Variants in GALNT11 observed in about 807,000 individuals in gnomAD.
GALNT11 encodes UDP-GalNAc:polypeptide N-acetylgalactosaminyltransferase 11.
In GALNT11, 47 loss-of-function variants were observed where a neutral mutation model predicts 72.7. The observed-to-expected ratio is 0.65, with a 90% CI of 0.51 to 0.82. GALNT11 has a LOEUF of 0.82. Among genes scored for constraint, GALNT11 ranks in the 40% least tolerant of loss-of-function variants. The pLI, the probability that GALNT11 is intolerant of heterozygous loss-of-function variation, is 0.00. For missense variants in GALNT11, 677 were observed against 778.4 expected (o/e 0.87, Z 1.55); for synonymous variants, 270 against 286.6 (o/e 0.94, Z 0.58).
At chr7:152,035,506 C>A (rs2082527116) in intron 1 of GALNT11, among the ~76,000 whole-genome samples, 1 of 152,242 alleles carries the variant, frequency 6.6e-6, no homozygotes, top group South Asian at 2.1e-4. Flanking sequence ...ACAGGGTCAA[C>A]CAACTTGTTG....
chr7:152,101,844 G>C (rs1235480772), intron 3 of GALNT11, among the ~76,000 whole-genome samples: 2 of 152,092 alleles, frequency 1.3e-5, no homozygotes, highest in Non-Finnish European at 2.9e-5. Flanking sequence ...ATGTTGGCCA[G>C]GCTGGTCTCA....
intron 1 of GALNT11, among the ~76,000 whole-genome samples, chr7:152,034,601 T>G (rs1278243780): frequency 1.3e-5 from 2 of 152,126 alleles, no homozygotes; most frequent in Non-Finnish European, 2.9e-5. Flanking sequence ...AGTTTTGGTT[T>G]GTTTGTTTCT....
At chr7:152,038,497 C>T (rs1030807668) in intron 1 of GALNT11, among the ~76,000 whole-genome samples, 10 of 152,146 alleles carry the variant, frequency 6.6e-5, no homozygotes, top group African/African-American at 1.4e-4. Context: ...TCCGGTAAAC[C>T]GACAACCTTC....
Position 152,118,746 on chromosome 7 carries a change from G to C in GALNT11, c.1521G>C (p.Val507=). Residue 507 remains valine (V), a synonymous_variant, in exon 10 of 12, where the codon GTG becomes GTC. Coordinates refer to ENST00000430044, the MANE Select transcript of GALNT11 (RefSeq NM_022087.4). The part of the protein sequence containing the change: ...QGRPSQKGGL[V]VLKACDYSDP... ...GCCCAAGTCAGAAGGGAGGTCTCGT[G>C]GTGCTTAAGGCCTGTGACTACAGTG... is the stretch of plus-strand genomic sequence containing the variant. The C allele has an allele frequency of 5.0e-6, 8 of 1,611,358 alleles. No individual in the cohort carries two copies. Among genetic ancestry groups the C allele is most frequent in the Non-Finnish European group, 6.8e-6 (8 of 1,179,138 alleles).
At chr7:152,045,211 T>A (rs571157859) in intron 1 of GALNT11, among the ~76,000 whole-genome samples, 29 of 152,286 alleles carry the variant, frequency 1.9e-4, no homozygotes, top group African/African-American at 6.7e-4. Flanking sequence ...GATTTTTTTT[T>A]ATCAGTGTTC....
In GALNT11 at chr7:152,094,009, G is replaced by A. The variant is rs1425655153; in HGVS notation, c.-38-181G>A. On this transcript the variant is annotated intron_variant, in intron 1 of 11. Transcript: ENST00000430044. The surrounding 1 kb of genome is among the most constrained non-coding windows in gnomAD (Gnocchi z 4.3). ...TCTGAGCATTAACCCACAGGCCTGA[G>A]GTTTTCATTGTTGAACCCTTTTTAA... 1.7e-5 allele frequency: 8 copies of A among 469,590 alleles called. No individual in the cohort carries two copies. The highest frequency in any genetic ancestry group is 2.9e-5 in the Non-Finnish European group (8 of 274,838). 29.1% of individuals were successfully genotyped at this position (469,590 alleles called of 1,614,324 possible). A position where few individuals can be genotyped will look rare whatever the true frequency, so the allele number is the denominator to read the frequency against.
chr7:152,100,776 GACTA>G lies in GALNT11; in HGVS notation c.296-18_296-15del. ...TGATACTTTCTAGATTTAATTCGCTGACTAACTTCACTCTTTTGCAGGTATGATT... is the reference window on the plus strand; with the variant it reads ...TGATACTTTCTAGATTTAATTCGCTGACTTCACTCTTTTGCAGGTATGATT... On this transcript the variant is annotated intron_variant, in intron 2 of 11. Coordinates refer to ENST00000430044, the MANE Select transcript of GALNT11 (RefSeq NM_022087.4). 1 of 1,611,588 alleles carries G rather than the reference GACTA, an allele frequency of 6.2e-7. No individual in the cohort carries two copies.
intron 1 of GALNT11, among the ~76,000 whole-genome samples, chr7:152,076,286 G>A (rs2084973665): frequency 6.6e-6 from 1 of 152,122 alleles, no homozygotes; most frequent in Non-Finnish European, 1.5e-5. Flanking sequence ...GATTTGTCAA[G>A]TTGTTCCTTT....
chr7:152,029,724 A>G (rs1199846908), intron 1 of GALNT11, among the ~76,000 whole-genome samples: 1 of 152,208 alleles, frequency 6.6e-6, no homozygotes, highest in Non-Finnish European at 1.5e-5. Flanking sequence ...TTCCCTTATC[A>G]TTTACTGAAT....
intron 8 of GALNT11, among the ~76,000 whole-genome samples, 164 bp downstream of exon 8, chr7:152,113,562 T>G (rs1345140280): frequency 6.6e-6 from 1 of 151,912 alleles, no homozygotes; most frequent in African/African-American, 2.4e-5. Flanking sequence ...CACCTAGTAC[T>G]TCACTTCTTT....
At chr7:152,095,519 A>C (rs2086313582) in intron 2 of GALNT11, among the ~76,000 whole-genome samples, 1 of 152,178 alleles carries the variant, frequency 6.6e-6, no homozygotes. Flanking sequence ...CTAATATAGG[A>C]AGTCAAAAGT....
At chr7:152,103,495 C>T (rs753127933) in intron 4 of GALNT11, 9 of 443,318 alleles carry the variant, frequency 2.0e-5, no homozygotes, top group African/African-American at 7.7e-5. Context: ...AAATTTTTTC[C>T]GTGGCTTACT....
At chr7:152,092,597 G>C (rs1224174130) in intron 1 of GALNT11, among the ~76,000 whole-genome samples, 1 of 151,886 alleles carries the variant, frequency 6.6e-6, no homozygotes, top group African/African-American at 2.4e-5. Flanking sequence ...AATAGTTCTT[G>C]GTTGGCAGAC....
At chr7:152,037,561 A>G (rs1197685944) in intron 1 of GALNT11, among the ~76,000 whole-genome samples, 1 of 152,126 alleles carries the variant, frequency 6.6e-6, no homozygotes, top group East Asian at 1.9e-4. Flanking sequence ...CAGATAGCAT[A>G]GGCTATTCTG....
chr7:152,117,356 A>G lies in GALNT11; in HGVS notation c.1433A>G (p.Lys478Arg). The G allele has an allele frequency of 6.2e-7, 1 of 1,614,202 alleles. No homozygotes were observed. The highest frequency in any genetic ancestry group is 8.5e-7 in the Non-Finnish European group (1 of 1,180,018). Reference sequence around the variant, plus strand: ...GTCAATAGAGGGCCAAAACGACCCAAAGTCCTTCAACGTGGAAGGGTAAGA... The same window carrying G: ...GTCAATAGAGGGCCAAAACGACCCAGAGTCCTTCAACGTGGAAGGGTAAGA... ...IFVNRGPKRP[K>R]VLQRGRLYHL... The change falls in exon 9 of 12, where the codon AAA becomes AGA. Residue 478 changes from lysine (K) to arginine (R), a missense_variant. Physicochemically the swap from Lys to Arg is conservative, Grantham distance 26 (BLOSUM62 2). Coordinates refer to ENST00000430044, the MANE Select transcript of GALNT11 (RefSeq NM_022087.4).
Position 152,109,626 on chromosome 7 carries a change from C to G in GALNT11, c.963-902C>G, listed in dbSNP as rs193240039. Among the ~76,000 whole-genome samples the G allele has an allele frequency of 1.4e-4, 21 of 152,136 alleles. No individual in the cohort carries two copies. The East Asian group carries it at 4.1e-3, about 29-fold the overall frequency. ...TATCTGTTTCTGGTGTATGTTGTTTCTCTCATTTTGTTTTCATGTGATTTT... is the reference window on the plus strand; with the variant it reads ...TATCTGTTTCTGGTGTATGTTGTTTGTCTCATTTTGTTTTCATGTGATTTT... On this transcript the variant is annotated intron_variant, in intron 6 of 11. Coordinates refer to ENST00000430044, the MANE Select transcript of GALNT11 (RefSeq NM_022087.4).
intron 5 of GALNT11, 168 bp from the exon 6 acceptor site, chr7:152,107,870 C>G (rs2087754858): frequency 5.7e-6 from 4 of 696,458 alleles, no homozygotes; most frequent in Non-Finnish European, 9.5e-6. Flanking sequence ...GAGGGACGTC[C>G]TTGTTGACCA....
chr7:152,043,282 G>A (rs910461128), intron 1 of GALNT11, among the ~76,000 whole-genome samples: 27 of 152,108 alleles, frequency 1.8e-4, no homozygotes, highest in Admixed American at 5.2e-4. Flanking sequence ...TGTCATCCCC[G>A]CTGGCAAGGG....
intron 1 of GALNT11, among the ~76,000 whole-genome samples, chr7:152,044,609 A>G (rs1320014981): frequency 6.6e-6 from 1 of 152,192 alleles, no homozygotes; most frequent in Non-Finnish European, 1.5e-5. Context: ...CTGTCGGCCT[A>G]GAGAAATGCT....
Sources: gnomAD v4.1 joint callset for allele counts (sites outside exome capture counted in the v4.1 genomes callset) on GRCh38, gnomAD v4.1.1 for gene constraint, Gnocchi (gnomAD v3.1) non-coding constraint, MANE v1.5 for transcripts, NCBI Gene and HGNC (gene_info 2026-07-23, HGNC 2026-07-21) for gene names.